The following VWA3B variants were observed in gnomAD, a reference collection of about 807,000 sequenced individuals.
The protein encoded by VWA3B is von Willebrand factor A domain-containing protein 3B.
In VWA3B, 138 loss-of-function variants were observed where a neutral mutation model predicts 158.3. The ratio of observed to expected loss-of-function variants is 0.87; its 90% CI spans 0.76 to 1.00. The LOEUF is 1.00. VWA3B is among the 50% of genes least tolerant of loss of function. The pLI is 0.00. For synonymous variants in VWA3B, 596 were observed against 587.3 expected, an observed-to-expected ratio of 1.01 and a Z score of -0.21; for missense variants, 1,555 against 1,565.1, an observed-to-expected ratio of 0.99 and a Z score of 0.11.
chr2:98,309,553 A>G (rs558153677), intron 26 of VWA3B, among the ~76,000 whole-genome samples: 138 of 152,334 alleles, frequency 9.1e-4, no homozygotes, highest in African/African-American at 3.0e-3. Flanking sequence ...GGAACTTTCC[A>G]TGAAGCCATT....
intron 20 of VWA3B, among the ~76,000 whole-genome samples, chr2:98,251,352 G>T (rs1004390890): frequency 6.6e-6 from 1 of 152,128 alleles, no homozygotes; most frequent in Non-Finnish European, 1.5e-5. Context: ...CGACAGTAAT[G>T]AGATAATGGA....
intron 2 of VWA3B, among the ~76,000 whole-genome samples, chr2:98,094,014 C>G (rs72946908): frequency 0.031 from 4,775 of 152,102 alleles, 244 homozygotes; most frequent in African/African-American, 0.11. Flanking sequence ...TGTATATATA[C>G]TATGTTTTCT....
chr2:98,308,470 C>G (rs1690668859), intron 26 of VWA3B, among the ~76,000 whole-genome samples: 1 of 152,208 alleles, frequency 6.6e-6, no homozygotes, highest in Non-Finnish European at 1.5e-5. Flanking sequence ...TGTGTAGTTT[C>G]TCCCATGTGG....
intron 14 of VWA3B, among the ~76,000 whole-genome samples, chr2:98,224,015 A>G (rs1295209638): frequency 6.6e-6 from 1 of 152,222 alleles, no homozygotes; most frequent in Non-Finnish European, 1.5e-5. Context: ...GGTATTAGCA[A>G]CCCCAAACTT....
At chr2:98,188,334 T>A (rs959283884) in intron 10 of VWA3B, among the ~76,000 whole-genome samples, 1 of 152,150 alleles carries the variant, frequency 6.6e-6, no homozygotes, top group Non-Finnish European at 1.5e-5. Flanking sequence ...CAAACACACG[T>A]CGTTTCTGTA....
chr2:98,163,595 T>C (rs533091628), intron 8 of VWA3B, among the ~76,000 whole-genome samples: 1 of 152,270 alleles, frequency 6.6e-6, no homozygotes, highest in Admixed American at 6.5e-5. Flanking sequence ...CAAACTCTTG[T>C]ATACTAAGGA....
At chr2:98,321,894 A>G in the VWA3B span, among the ~76,000 whole-genome samples, 2 of 152,184 alleles carry the variant, frequency 1.3e-5, no homozygotes, top group Non-Finnish European at 2.9e-5. Flanking sequence ...TTTAGCTCCC[A>G]TAATTCCCAC....
chr2:98,096,908 C>G (rs1682753080), intron 2 of VWA3B, among the ~76,000 whole-genome samples: 1 of 151,854 alleles, frequency 6.6e-6, no homozygotes, highest in African/African-American at 2.4e-5. Flanking sequence ...TTCTCTATTT[C>G]TGCTCTGATC....
chr2:98,267,524 G>A (rs1687919973), intron 21 of VWA3B, among the ~76,000 whole-genome samples: 1 of 151,750 alleles, frequency 6.6e-6, no homozygotes, highest in Non-Finnish European at 1.5e-5. Context: ...AGAATCTCTG[G>A]GACGCATTCA....
chr2:98,127,319 C>G (rs950315111), intron 5 of VWA3B, among the ~76,000 whole-genome samples: 5 of 152,140 alleles, frequency 3.3e-5, no homozygotes, highest in African/African-American at 1.2e-4. Context: ...TGCATTATCT[C>G]CCTTTTAACA....
Position 98,207,292 on chromosome 2 carries a change from C to T in VWA3B, c.1738-4638C>T, listed in dbSNP as rs1574079615. 1.0e-5 allele frequency: 5 copies of T among 486,636 alleles called. No homozygotes were observed. The East Asian group carries it at 2.6e-4, about 26-fold the overall frequency. 30.1% of individuals were successfully genotyped at this position (486,636 alleles called of 1,614,324 possible). On this transcript the variant is annotated intron_variant, in intron 12 of 27. Transcript: ENST00000477737. ...TGCTCATTTGGATGCCACCACTGTG[C>T]TGCCCCATGCTGTCACTGAGCTGGG...
Position 98,115,704 on chromosome 2 carries a change from G to C in VWA3B, c.249G>C (p.Leu83=). The C allele has an allele frequency of 6.2e-7, 1 of 1,613,730 alleles. No homozygotes were observed. The highest frequency in any genetic ancestry group is 1.3e-5 in the African/African-American group (1 of 75,036). Residue 83 remains leucine, a synonymous_variant, in exon 3 of 28, where the codon CTG becomes CTC. Coordinates refer to ENST00000477737, the MANE Select transcript of VWA3B (RefSeq NM_144992.5). The part of the protein sequence containing the change: ...RPVASRYADG[L]FPQLYRAEDG... ...TGGCTTCTCGGTATGCTGATGGTCT[G>C]TTTCCACAGCTCTACAGAGCAGAAG...
intron 10 of VWA3B, among the ~76,000 whole-genome samples, chr2:98,191,661 T>C (rs1329850865): frequency 6.6e-6 from 1 of 152,210 alleles, no homozygotes; most frequent in Non-Finnish European, 1.5e-5. Context: ...GAACTACTCC[T>C]AGCCATGTGT....
intron 24 of VWA3B, among the ~76,000 whole-genome samples, chr2:98,299,530 C>G (rs1389864099): frequency 6.6e-6 from 1 of 152,200 alleles, no homozygotes; most frequent in African/African-American, 2.4e-5. Flanking sequence ...GCTTCCTAGT[C>G]AGAGCACTGG....
At chr2:98,216,835 A>T in intron 13 of VWA3B, 1 of 835,566 alleles carries the variant, frequency 1.2e-6, no homozygotes, top group Non-Finnish European at 1.8e-6. Context: ...GGAAACTCAC[A>T]TTAGACAGGA....
intron 7 of VWA3B, among the ~76,000 whole-genome samples, chr2:98,156,767 A>G (rs1322362721): frequency 1.4e-5 from 2 of 147,402 alleles, no homozygotes; most frequent in Non-Finnish European, 3.0e-5. Context: ...TTGATGCCTT[A>G]TAAATGGTAT....
intron 17 of VWA3B, among the ~76,000 whole-genome samples, chr2:98,235,287 G>A (rs1685602870): frequency 6.6e-6 from 1 of 152,142 alleles, no homozygotes; most frequent in Non-Finnish European, 1.5e-5. Context: ...TAAAATCCCA[G>A]TTAAACACAC....
At chr2:98,105,868 G>A (rs1673605777) in intron 2 of VWA3B, among the ~76,000 whole-genome samples, 1 of 151,782 alleles carries the variant, frequency 6.6e-6, no homozygotes, top group African/African-American at 2.4e-5. Context: ...AGTTGGTTGT[G>A]CCTATATTTC....
intron 12 of VWA3B, 76 bp downstream of exon 12, chr2:98,194,568 C>T (rs1233944572): frequency 1.3e-6 from 2 of 1,545,456 alleles, no homozygotes; most frequent in Non-Finnish European, 1.8e-6. Flanking sequence ...ACAGGACAGA[C>T]ATTCCTGAGA....
Sources: gnomAD v4.1 joint callset for allele counts (sites outside exome capture counted in the v4.1 genomes callset) on GRCh38, gnomAD v4.1.1 for gene constraint, MANE v1.5 for transcripts, NCBI Gene and HGNC (gene_info 2026-07-23, HGNC 2026-07-21) for gene names.